Variants in WWC2 observed in about 807,000 individuals in gnomAD.
The protein encoded by WWC2 is WW and C2 domain containing 2.
A neutral mutation model predicts 138.5 loss-of-function variants in WWC2; 101 were observed. The ratio of observed to expected loss-of-function variants is 0.73; its 90% CI spans 0.62 to 0.86. WWC2 has a LOEUF of 0.86. Ranked by LOEUF, WWC2 falls within the 40% of genes least tolerant of loss-of-function variation. The pLI is 0.00. For synonymous variants in WWC2, 558 were observed against 538.4 expected (o/e 1.04, Z -0.50); for missense variants, 1,420 against 1,419.4 (o/e 1.00, Z -0.01).
At chr4:183,183,406 T>C (rs556219589) in intron 1 of WWC2, among the ~76,000 whole-genome samples, 22 of 152,142 alleles carry the variant, frequency 1.4e-4, no homozygotes, top group Admixed American at 3.3e-4. Context: ...TTAAAAGGAC[T>C]GTATCGAGTT....
At chr4:183,286,205 G>A (rs138701579) in intron 20 of WWC2, 146 bp downstream of exon 20, 6 of 731,894 alleles carry the variant, frequency 8.2e-6, no homozygotes, top group African/African-American at 3.5e-5. Context: ...ACACAGAGAC[G>A]CAGATGCCAT....
rs145128569 is a variant in WWC2 at position 183,259,178 on chromosome 4, A to G, written c.1197-461A>G. On this transcript the variant is annotated intron_variant, in intron 9 of 22. Coordinates refer to ENST00000403733, the MANE Select transcript of WWC2 (RefSeq NM_024949.6). ...TTATCAAATCAGGGTTGGGAATGTT[A>G]TCACTAAATACTATGTTGGAACAAG... Among the ~76,000 whole-genome samples the G allele has an allele frequency of 7.7e-4, 117 of 152,298 alleles. 1 individual carries two copies. The highest frequency in any genetic ancestry group is 2.7e-3 in the African/African-American group (111 of 41,570).
intron 2 of WWC2, among the ~76,000 whole-genome samples, chr4:183,202,557 A>G (rs1735331316): frequency 2.0e-5 from 3 of 152,184 alleles, no homozygotes; most frequent in Non-Finnish European, 2.9e-5. Flanking sequence ...ATAAATACAT[A>G]TGTGGTGGAG....
chr4:183,201,346 G>A (rs1200140555), intron 2 of WWC2, among the ~76,000 whole-genome samples: 1 of 152,072 alleles, frequency 6.6e-6, no homozygotes, highest in Non-Finnish European at 1.5e-5. Context: ...TTTAAAATTA[G>A]TGTTTAAAAT....
At chr4:183,231,002 C>G (rs1205580460) in intron 4 of WWC2, among the ~76,000 whole-genome samples, 3 of 152,048 alleles carry the variant, frequency 2.0e-5, no homozygotes, top group Non-Finnish European at 2.9e-5. Flanking sequence ...CAGAGAAACC[C>G]TCAAGATTAG....
intron 21 of WWC2, among the ~76,000 whole-genome samples, chr4:183,308,739 AAAT>A (rs1236326780): frequency 1.3e-5 from 2 of 152,224 alleles, no homozygotes; most frequent in Non-Finnish European, 2.9e-5. Flanking sequence ...AATACTATGT[AAAT>A]AATTGTTATG....
chr4:183,119,420 C>T (rs1732529487), intron 1 of WWC2, among the ~76,000 whole-genome samples: 2 of 152,202 alleles, frequency 1.3e-5, no homozygotes, highest in Admixed American at 1.3e-4. Flanking sequence ...CTCGCCTCTT[C>T]TTCAGGTCAC....
chr4:183,181,100 AT>A (rs1734620627), intron 1 of WWC2, among the ~76,000 whole-genome samples: 1 of 152,234 alleles, frequency 6.6e-6, no homozygotes, highest in African/African-American at 2.4e-5. Flanking sequence ...ATAACTGCAT[AT>A]AATTAACTAT....
intron 1 of WWC2, among the ~76,000 whole-genome samples, chr4:183,141,497 C>G (rs1472862457): frequency 6.6e-6 from 1 of 152,058 alleles, no homozygotes; most frequent in East Asian, 1.9e-4. Context: ...TAATTCAGCC[C>G]ACAGCACCCT....
intron 4 of WWC2, among the ~76,000 whole-genome samples, chr4:183,231,494 T>C (rs2111288851): frequency 6.6e-6 from 1 of 152,108 alleles, no homozygotes; most frequent in African/African-American, 2.4e-5. Context: ...GATCTTGAAC[T>C]CCCGACCTCA....
At chr4:183,210,871 C>T (rs1049572264) in intron 4 of WWC2, among the ~76,000 whole-genome samples, 2 of 152,270 alleles carry the variant, frequency 1.3e-5, no homozygotes, top group Middle Eastern at 3.4e-3. Context: ...AAAGGCAGTG[C>T]GAGACATACC....
At chr4:183,164,334 TATACA>T (rs1734060330) in intron 1 of WWC2, among the ~76,000 whole-genome samples, 1 of 1,162 alleles carries the variant, frequency 8.6e-4, no homozygotes, top group East Asian at 0.021. Flanking sequence ...TATATATATA[TATACA>T]TATATATATT....
At chr4:183,310,832 T>TAAAAAAAA in intron 21 of WWC2, among the ~76,000 whole-genome samples, 1 of 113,440 alleles carries the variant, frequency 8.8e-6, no homozygotes, top group Non-Finnish European at 1.7e-5. Flanking sequence ...TGGCATATTG[T>TAAAAAAAA]AAAAAAAAAA....
chr4:183,182,447 A>G (rs185935193), intron 1 of WWC2, among the ~76,000 whole-genome samples: 3 of 152,294 alleles, frequency 2.0e-5, no homozygotes, highest in Admixed American at 2.0e-4. Flanking sequence ...ACCTCTCTCA[A>G]ACACTCATAC....
chr4:183,228,306 A>G (rs990431493), intron 4 of WWC2, among the ~76,000 whole-genome samples: 3 of 152,122 alleles, frequency 2.0e-5, no homozygotes, highest in African/African-American at 4.8e-5. Flanking sequence ...AAAAATTGGC[A>G]GAAAATCCAC....
At chr4:183,106,207 C>T (rs1743352056) in intron 1 of WWC2, among the ~76,000 whole-genome samples, 1 of 151,860 alleles carries the variant, frequency 6.6e-6, no homozygotes. Context: ...TAGTCTCGAA[C>T]TTCTGACCTC....
chr4:183,282,463 G>T (rs1018666779), intron 17 of WWC2: 12 of 535,610 alleles, frequency 2.2e-5, no homozygotes, highest in Non-Finnish European at 4.0e-5. Context: ...ATATCTAGAA[G>T]TTAGGTTAAA....
chr4:183,250,291 A>G (rs1478034066), intron 8 of WWC2, among the ~76,000 whole-genome samples: 2 of 152,058 alleles, frequency 1.3e-5, no homozygotes, highest in Admixed American at 6.6e-5. Flanking sequence ...CTTAACTCTC[A>G]ATTAAAAGTG....
At chr4:183,101,229 C>T (rs1048937141) in intron 1 of WWC2, among the ~76,000 whole-genome samples, 1 of 152,184 alleles carries the variant, frequency 6.6e-6, no homozygotes, top group Non-Finnish European at 1.5e-5. Flanking sequence ...TATATTATCT[C>T]AGTTGTGTTT....
Sources: allele counts gnomAD v4.1 joint callset (sites outside exome capture counted in the v4.1 genomes callset), GRCh38; gene constraint gnomAD v4.1.1; transcripts MANE v1.5; gene names NCBI Gene and HGNC (gene_info 2026-07-23, HGNC 2026-07-21).